INPP4A: variants seen among roughly 807,000 people sequenced by gnomAD.
INPP4A encodes inositol polyphosphate-4-phosphatase type I A.
In INPP4A, 33 loss-of-function variants were observed where a neutral mutation model predicts 119.8. The ratio of observed to expected loss-of-function variants is 0.28; its 90% CI spans 0.21 to 0.37. INPP4A has a LOEUF of 0.37. Ranked by LOEUF, INPP4A falls within the 10% of genes least tolerant of loss-of-function variation. The pLI is 1.00. For missense variants in INPP4A, 956 were observed against 1,289.9 expected, an observed-to-expected ratio of 0.74 and a Z score of 3.97; for synonymous variants, 496 against 500.7, an observed-to-expected ratio of 0.99 and a Z score of 0.12.
chr2:98,473,715 C>T (rs1676631868), intron 1 of INPP4A, among the ~76,000 whole-genome samples: 2 of 152,038 alleles, frequency 1.3e-5, no homozygotes, highest in Admixed American at 6.5e-5. Flanking sequence ...GCGGATGGCA[C>T]CCAGGGTCAC....
chr2:98,512,568 A>G (rs1249925876), intron 1 of INPP4A, among the ~76,000 whole-genome samples: 1 of 152,372 alleles, frequency 6.6e-6, no homozygotes, highest in East Asian at 1.9e-4. Flanking sequence ...GGAAGCCAGC[A>G]TGAGAGACAG....
rs76950962 is a variant in INPP4A, at chr2:98,540,501, C to G, written c.818+826C>G. Among the ~76,000 whole-genome samples the G allele has an allele frequency of 1.5e-3, 224 of 152,346 alleles. 4 individuals carry two copies. The East Asian group carries it at 0.041, about 28-fold the overall frequency. ...AGGCCGTGCATATTATGTCCCCTGT[C>G]TCTCTCTGTTTTAATTTTGTGCTGC... On this transcript the variant is annotated intron_variant, in intron 10 of 24. Transcript: ENST00000409851.
intron 7 of INPP4A, among the ~76,000 whole-genome samples, chr2:98,537,618 G>GCACGTC (rs1422780840): frequency 2.0e-5 from 3 of 152,176 alleles, no homozygotes; most frequent in African/African-American, 7.2e-5. Context: ...GACTTCACCA[G>GCACGTC]CACGTCCACA....
intron 1 of INPP4A, among the ~76,000 whole-genome samples, chr2:98,448,374 A>G (rs1234447158): frequency 6.7e-6 from 1 of 148,312 alleles, no homozygotes; most frequent in Non-Finnish European, 1.5e-5. Flanking sequence ...AAAAAAAAAA[A>G]TCATGAAATT....
intron 1 of INPP4A, among the ~76,000 whole-genome samples, chr2:98,507,438 G>A (rs1000608784): frequency 2.6e-5 from 4 of 152,174 alleles, no homozygotes; most frequent in African/African-American, 7.2e-5. Flanking sequence ...TAAGAAACAC[G>A]TGCTGTAGGG....
Position 98,555,597 on chromosome 2 carries a change from T to A in INPP4A, c.1611T>A (p.Ile537=). ...TGGACAAGAGCCTAGAGTGCATCATTCAGCGTGTGGACAAGCTGCTGCAGA... is the reference window on the plus strand; with the variant it reads ...TGGACAAGAGCCTAGAGTGCATCATACAGCGTGTGGACAAGCTGCTGCAGA... ...LNVDKSLECI[I]QRVDKLLQKE... is the part of the protein sequence containing the mutation. The change falls in exon 16 of 25, where the codon ATT becomes ATA. Residue 537 remains isoleucine (I), a synonymous_variant. Transcript: ENST00000409851. The A allele has an allele frequency of 4.3e-6, 7 of 1,613,664 alleles. No individual in the cohort carries two copies. The highest frequency in any genetic ancestry group is 1.1e-5 in the South Asian group (1 of 91,070).
intron 10 of INPP4A, among the ~76,000 whole-genome samples, chr2:98,541,966 C>G (rs1329849811): frequency 3.9e-5 from 6 of 152,236 alleles, no homozygotes; most frequent in Non-Finnish European, 8.8e-5. Flanking sequence ...AGGCACTGTT[C>G]TCAGTGTGGG....
chr2:98,499,906 C>A (rs528342972), intron 1 of INPP4A, among the ~76,000 whole-genome samples: 13 of 152,278 alleles, frequency 8.5e-5, no homozygotes, highest in Non-Finnish European at 1.8e-4. Flanking sequence ...AACTGACCAG[C>A]CTGCAGCTGG....
chr2:98,472,905 C>T (rs1188128008), intron 1 of INPP4A, among the ~76,000 whole-genome samples: 1 of 152,188 alleles, frequency 6.6e-6, no homozygotes, highest in African/African-American at 2.4e-5. Context: ...CTTCTGCTTG[C>T]CACAGTGTGG....
In INPP4A at chr2:98,565,631, C is replaced by G; in HGVS notation, c.2153-9C>G. The G allele has an allele frequency of 6.2e-7, 1 of 1,600,742 alleles. No individual in the cohort carries two copies. Among genetic ancestry groups the G allele is most frequent in the Non-Finnish European group, 8.5e-7 (1 of 1,170,344 alleles). On this transcript the variant is annotated splice_polypyrimidine_tract_variant and intron_variant, in intron 19 of 24. Coordinates refer to ENST00000409851, the MANE Select transcript of INPP4A (RefSeq NM_001134225.2). ...CTGCCTGACAGCCCTGCCCCTCTCTCATGTCCAGGGGAGGAGCTGGCAATG... is the reference window on the plus strand; with the variant it reads ...CTGCCTGACAGCCCTGCCCCTCTCTGATGTCCAGGGGAGGAGCTGGCAATG...
At chr2:98,571,617 C>G (rs1697468817) in intron 22 of INPP4A, among the ~76,000 whole-genome samples, 1 of 152,220 alleles carries the variant, frequency 6.6e-6, no homozygotes, top group Non-Finnish European at 1.5e-5. Flanking sequence ...TCGACTGGAC[C>G]ATGACCCAGG....
rs575902964 is a variant in INPP4A, at chr2:98,591,028, C to A, written c.*3420C>A. On this transcript the variant is annotated 3_prime_UTR_variant, in exon 25 of 25. Coordinates refer to ENST00000409851, the MANE Select transcript of INPP4A (RefSeq NM_001134225.2). ...TTTTTAATATACAATGTATTAGCCCCTGTCATATGTTGCACACTTTTTAAC... is the reference window on the plus strand; with the variant it reads ...TTTTTAATATACAATGTATTAGCCCATGTCATATGTTGCACACTTTTTAAC... The A allele has an allele frequency of 1.6e-4, 37 of 225,338 alleles. No homozygotes were observed. The South Asian group carries it at 5.5e-3, about 33-fold the overall frequency. The allele number at this position is 225,338 out of a possible 1,614,324, so 14.0% of individuals were successfully genotyped here.
intron 24 of INPP4A, among the ~76,000 whole-genome samples, chr2:98,580,059 C>T (rs779345742): frequency 1.8e-4 from 28 of 152,354 alleles, no homozygotes; most frequent in Admixed American, 9.1e-4. Flanking sequence ...CCTGTTCAGG[C>T]GGCTGCAAGC....
At chr2:98,461,883 G>A (rs1697222873) in intron 1 of INPP4A, among the ~76,000 whole-genome samples, 1 of 152,204 alleles carries the variant, frequency 6.6e-6, no homozygotes, top group Non-Finnish European at 1.5e-5. Flanking sequence ...TTCAACCAGT[G>A]CTCTCTGGAT....
Position 98,570,751 on chromosome 2 carries a change from G to A in INPP4A, c.2519-2064G>A, listed in dbSNP as rs1217741624. On this transcript the variant is annotated intron_variant, in intron 22 of 24. Transcript: ENST00000409851. This position sits in a 1 kb window ranked among gnomAD's most constrained non-coding sequence, Gnocchi z 4.3. The stretch of plus-strand genomic sequence containing the variant: ...AGGGAGGGAAGGAGGGAGGAGAGAA[G>A]GTAGGGACATGAATGGAGGAAATAT... Among the ~76,000 whole-genome samples, 1 of 152,126 alleles carries A rather than the reference G, an allele frequency of 6.6e-6. No individual in the cohort carries two copies. Among genetic ancestry groups the A allele is most frequent in the Non-Finnish European group, 1.5e-5 (1 of 68,006 alleles).
At chr2:98,456,340 T>G (rs1467435556) in intron 1 of INPP4A, among the ~76,000 whole-genome samples, 1 of 152,162 alleles carries the variant, frequency 6.6e-6, no homozygotes, top group African/African-American at 2.4e-5. Flanking sequence ...CATTTTTTAT[T>G]TATTTATTTT....
Position 98,554,368 on chromosome 2 carries a change from C to T in INPP4A, c.1445C>T (p.Ser482Phe). The T allele has an allele frequency of 6.2e-7, 1 of 1,613,682 alleles. No individual in the cohort carries two copies. ...CCTGACTACATTGCCTCCAAGGCCT[C>T]TCCCACTTCGACTGAGGAGGAGCAG... ...ARPDYIASKA[S>F]PTSTEEEQVM... is the part of the protein sequence containing the mutation. The change falls in exon 15 of 25, where the codon TCT becomes TTT. Residue 482 changes from serine (S) to phenylalanine (F), a missense_variant. Ser to Phe is a radical substitution (Grantham distance 155). Transcript: ENST00000409851. The surrounding 1 kb of genome is among the most constrained non-coding windows in gnomAD (Gnocchi z 4.7).
chr2:98,510,648 C>CTGAG (rs1475147777), intron 1 of INPP4A, among the ~76,000 whole-genome samples: 1 of 152,168 alleles, frequency 6.6e-6, no homozygotes, highest in African/African-American at 2.4e-5. Flanking sequence ...AGGCCAGAGC[C>CTGAG]CTCAGGGTCT....
intron 1 of INPP4A, among the ~76,000 whole-genome samples, chr2:98,503,359 C>T (rs1201122724): frequency 6.6e-6 from 1 of 152,192 alleles, no homozygotes; most frequent in African/African-American, 2.4e-5. Flanking sequence ...CCAGAATTGA[C>T]CTCGTCCTGG....
Sources: allele counts gnomAD v4.1 joint callset (sites outside exome capture counted in the v4.1 genomes callset), GRCh38; gene constraint gnomAD v4.1.1; non-coding constraint Gnocchi (gnomAD v3.1); transcripts MANE v1.5; gene names NCBI Gene and HGNC (gene_info 2026-07-23, HGNC 2026-07-21).